The following RBFOX1 variants were observed in gnomAD, a reference collection of about 807,000 sequenced individuals.
RBFOX1 encodes the protein RNA binding protein fox-1 homolog 1.
Under a neutral mutation model 57.7 loss-of-function variants are expected in RBFOX1, and 8 were observed. That is an observed-to-expected ratio of 0.14 (90% confidence interval 0.08 to 0.25). The LOEUF (loss-of-function observed/expected upper bound fraction) is 0.25, where lower values mean the gene tolerates loss of function less well. RBFOX1 is among the 10% of genes least tolerant of loss of function. The probability of loss-of-function intolerance (pLI) is 1.00; values close to 1 mark genes in which losing one functional copy is unlikely to be tolerated. For synonymous variants in RBFOX1, 326 were observed against 222.4 expected (o/e 1.47, Z -4.15); for missense variants, 611 against 548.5 (o/e 1.11, Z -1.14).
chr16:5,425,032 CCTCCCT>C (rs1045421218), intron 1 of RBFOX1, among the ~76,000 whole-genome samples: 6 of 139,528 alleles, frequency 4.3e-5, no homozygotes, highest in Non-Finnish European at 9.3e-5. Flanking sequence ...TTCCTCCCTC[CCTCCCT>C]CTCTCTCTCT....
intron 14 of RBFOX1, among the ~76,000 whole-genome samples, chr16:7,687,420 C>T (rs942716064): frequency 2.0e-5 from 3 of 152,020 alleles, no homozygotes. Flanking sequence ...ATGAGCATAG[C>T]ATCAGACCCC....
chr16:6,329,356 A>G (rs575814765), intron 2 of RBFOX1, among the ~76,000 whole-genome samples: 1 of 152,334 alleles, frequency 6.6e-6, no homozygotes, highest in East Asian at 1.9e-4. Flanking sequence ...GAAAACTGGA[A>G]CTGGAAGAGG....
At chr16:6,138,050 G>A (rs2096681577) in intron 1 of RBFOX1, among the ~76,000 whole-genome samples, 1 of 152,192 alleles carries the variant, frequency 6.6e-6, no homozygotes, top group South Asian at 2.1e-4. Context: ...GGTCTGGCTA[G>A]TGGCCTCACA....
intron 3 of RBFOX1, among the ~76,000 whole-genome samples, chr16:5,681,374 G>A (rs754902562): frequency 2.0e-5 from 3 of 148,752 alleles, no homozygotes; most frequent in African/African-American, 7.5e-5. Context: ...ATGAGCTACC[G>A]TGCCCAGCTT....
intron 4 of RBFOX1, among the ~76,000 whole-genome samples, chr16:5,982,167 A>C (rs947560708): frequency 6.6e-6 from 1 of 151,966 alleles, no homozygotes; most frequent in East Asian, 1.9e-4. Flanking sequence ...ACTGCATCTC[A>C]CCCTACTACC....
rs6500934 is a variant in RBFOX1, at chr16:7,217,906, A to G, written c.27+165808A>G. ...TGTGTGTGCATGCGTATGTGTGTGC[A>G]TGTGTGTGTGTGAGTGTAGGTGTGT... On this transcript the variant is annotated intron_variant, in intron 4 of 15. Transcript: ENST00000550418. 3.0e-3 allele frequency among the ~76,000 whole-genome samples: 182 copies of G among 60,966 alleles called. 1 individual carries two copies. The South Asian group carries it at 0.041, about 14-fold the overall frequency. 40.0% of individuals were successfully genotyped at this position (60,966 alleles called of 152,430 possible). A position where few individuals can be genotyped will look rare whatever the true frequency, so the allele number is the denominator to read the frequency against.
intron 3 of RBFOX1, among the ~76,000 whole-genome samples, chr16:6,693,218 C>T (rs115099813): frequency 0.11 from 16,269 of 150,828 alleles, 1,545 homozygotes; most frequent in East Asian, 0.4. Flanking sequence ...TCATCATCAC[C>T]GTCATCCTCC....
chr16:5,899,720 C>G (rs886283740), intron 4 of RBFOX1, among the ~76,000 whole-genome samples: 2 of 152,176 alleles, frequency 1.3e-5, no homozygotes, highest in African/African-American at 4.8e-5. Flanking sequence ...ATGGAAGATT[C>G]CAACCCGCCT....
intron 2 of RBFOX1, among the ~76,000 whole-genome samples, chr16:6,552,864 A>G (rs993107622): frequency 6.6e-6 from 1 of 152,040 alleles, no homozygotes. Context: ...CTGGCAGTAT[A>G]TTCTGTTTTG....
intron 3 of RBFOX1, among the ~76,000 whole-genome samples, chr16:5,664,050 C>A (rs1479880126): frequency 6.6e-6 from 1 of 152,202 alleles, no homozygotes; most frequent in Non-Finnish European, 1.5e-5. Context: ...AGAGAGAGCA[C>A]ACTGTCTTCT....
intron 1 of RBFOX1, among the ~76,000 whole-genome samples, chr16:6,234,159 T>C (rs528158120): frequency 7.9e-5 from 12 of 152,264 alleles, no homozygotes; most frequent in African/African-American, 2.9e-4. Context: ...CCCCACCTCT[T>C]TTCACCATCA....
chr16:6,610,906 C>G (rs2098039102), intron 2 of RBFOX1, among the ~76,000 whole-genome samples: 1 of 152,318 alleles, frequency 6.6e-6, no homozygotes, highest in South Asian at 2.1e-4. Context: ...CCACTGATAA[C>G]ATATCTTAAT....
rs376465975 is a variant in RBFOX1, at chr16:6,486,521, G to C, written c.-63-168082G>C. Reference sequence around the variant, plus strand: ...TGTCTTAGTCTCAAAGTTATCAAAGGGAGTTGGCGTAAGTTCTTGGAAAGT... The same window carrying C: ...TGTCTTAGTCTCAAAGTTATCAAAGCGAGTTGGCGTAAGTTCTTGGAAAGT... On this transcript the variant is annotated intron_variant, in intron 2 of 15. Transcript: ENST00000550418. 2.0e-4 allele frequency among the ~76,000 whole-genome samples: 31 copies of C among 152,124 alleles called. 1 individual carries two copies. The South Asian group carries it at 6.0e-3, about 30-fold the overall frequency.
rs780839398 is a variant in RBFOX1, at chr16:5,534,636, A to G, written c.259-64266A>G. ...CCTTCTTCCACCTGCTTTTTTTAGCATGCTGGCATCCGATTAGATGGTGCC... is the reference window on the plus strand; with the variant it reads ...CCTTCTTCCACCTGCTTTTTTTAGCGTGCTGGCATCCGATTAGATGGTGCC... On this transcript the variant is annotated intron_variant, in intron 2 of 2. Transcript: ENST00000585867. Among the ~76,000 whole-genome samples the G allele has an allele frequency of 2.6e-5, 4 of 152,288 alleles. No homozygotes were observed. The East Asian group carries it at 5.8e-4, about 22-fold the overall frequency.
Position 7,482,542 on chromosome 16 carries a change from ATTTTTTTTT to A in RBFOX1, c.28-35587_28-35579del, listed in dbSNP as rs1178577326. On this transcript the variant is annotated intron_variant, in intron 4 of 15. Transcript: ENST00000550418. The stretch of plus-strand genomic sequence containing the variant: ...TGCATCTTCCCTTTGATTGCCTGGG[ATTTTTTTTT>A]TTTTTTTTTTTTTTTTTGGAAAGCA... 1.4e-3 allele frequency among the ~76,000 whole-genome samples: 111 copies of A among 77,198 alleles called. 1 individual carries two copies. The highest frequency in any genetic ancestry group is 5.3e-3 in the African/African-American group (92 of 17,248). 50.6% of individuals were successfully genotyped at this position (77,198 alleles called of 152,430 possible). A position where few individuals can be genotyped will look rare whatever the true frequency, so the allele number is the denominator to read the frequency against.
chr16:7,231,620 A>G (rs953936020), intron 4 of RBFOX1, among the ~76,000 whole-genome samples: 1 of 152,244 alleles, frequency 6.6e-6, no homozygotes, highest in Non-Finnish European at 1.5e-5. Context: ...CATTACAGCC[A>G]AAAAGCAAAG....
At chr16:7,203,795 A>G (rs1048519477) in intron 4 of RBFOX1, among the ~76,000 whole-genome samples, 20 of 152,168 alleles carry the variant, frequency 1.3e-4, no homozygotes, top group African/African-American at 4.1e-4. Context: ...AGCAAAGGCA[A>G]TCTTGTGCCT....
intron 4 of RBFOX1, among the ~76,000 whole-genome samples, chr16:7,089,886 C>A (rs992811755): frequency 8.4e-5 from 12 of 143,532 alleles, no homozygotes; most frequent in Admixed American, 2.2e-4. Flanking sequence ...CTGTTTACAT[C>A]TTTAATTCAG....
intron 4 of RBFOX1, among the ~76,000 whole-genome samples, chr16:7,249,912 T>G (rs2094445687): frequency 6.6e-6 from 1 of 152,224 alleles, no homozygotes; most frequent in Admixed American, 6.5e-5. Context: ...GTTAAACCAA[T>G]TTACACTCTC....
Sources: allele counts gnomAD v4.1 joint callset (sites outside exome capture counted in the v4.1 genomes callset), GRCh38; gene constraint gnomAD v4.1.1; transcripts MANE v1.5; gene names NCBI Gene and HGNC (gene_info 2026-07-23, HGNC 2026-07-21).